The following DDI2 variants were observed in gnomAD, a reference collection of about 807,000 sequenced individuals.
DDI2 encodes DDI proteasomal shuttling factor 2, also known as protein DDI1 homolog 2.
DDI2 carries 5 observed loss-of-function variants against 48.1 expected under a neutral mutation model. That is an observed-to-expected ratio of 0.10 (90% CI 0.05 to 0.22). DDI2 has a LOEUF of 0.22. Among genes scored for constraint, DDI2 ranks in the 10% least tolerant of loss-of-function variants. The probability of loss-of-function intolerance (pLI) is 1.00; values close to 1 mark genes in which losing one functional copy is unlikely to be tolerated. For synonymous variants in DDI2, 205 were observed against 183.6 expected (o/e 1.12, Z -0.94); for missense variants, 285 against 506.2 (o/e 0.56, Z 4.19).
rs142601911 is a variant in DDI2 at position 15,660,245 on chromosome 1, A to G, written c.*455A>G. ...ACCCAGGGCCTCAAATTTCATCTCCATACAAGACAGGAAGCTAGTTTATCT... is the reference window on the plus strand; with the variant it reads ...ACCCAGGGCCTCAAATTTCATCTCCGTACAAGACAGGAAGCTAGTTTATCT... On this transcript the variant is annotated 3_prime_UTR_variant, in exon 10 of 10. Transcript: ENST00000480945. 20 of 1,614,076 alleles carry G rather than the reference A, an allele frequency of 1.2e-5. No homozygotes were observed. The African/African-American group carries it at 2.0e-4, about 16-fold the overall frequency.
chr1:15,627,272 C>G lies in DDI2; in HGVS notation c.268+474C>G, dbSNP rs1344362975. Among the ~76,000 whole-genome samples, 10 of 152,094 alleles carry G rather than the reference C, an allele frequency of 6.6e-5. No homozygotes were observed. In the East Asian group the frequency reaches 1.9e-3, roughly 29 times the overall value. On this transcript the variant is annotated intron_variant, in intron 2 of 9. Coordinates refer to ENST00000480945, the MANE Select transcript of DDI2 (RefSeq NM_032341.5). ...ACTTGGTTGTGGGGGGATTTACATACTAATTTGCATAATAATTTATAATTA... is the reference window on the plus strand; with the variant it reads ...ACTTGGTTGTGGGGGGATTTACATAGTAATTTGCATAATAATTTATAATTA...
intron 8 of DDI2, among the ~76,000 whole-genome samples, chr1:15,655,960 A>AGT (rs1640266023): frequency 6.6e-6 from 1 of 151,914 alleles, no homozygotes; most frequent in South Asian, 2.1e-4. Context: ...TTTTTTAAAT[A>AGT]CTTTATACTC....
intron 6 of DDI2, among the ~76,000 whole-genome samples, chr1:15,649,248 C>G (rs1233851936): frequency 2.0e-5 from 3 of 152,060 alleles, no homozygotes; most frequent in Admixed American, 6.6e-5. Flanking sequence ...TTTGTAATCC[C>G]ATCTACTTGG....
At position 15,664,617 on chromosome 1, in the gene DDI2, A is replaced by T. The variant is rs974976869; in HGVS notation, c.*4827A>T. The T allele has an allele frequency of 6.6e-6, 1 of 152,148 alleles. No individual in the cohort carries two copies. Among genetic ancestry groups the T allele is most frequent in the Non-Finnish European group, 1.5e-5 (1 of 68,030 alleles). 9.4% of individuals were successfully genotyped at this position (152,148 alleles called of 1,614,324 possible). ...GGTTAACTTCTAAGAATACCATCAA[A>T]TCCCTGTGAATTCTGGTTGCCAACA... On this transcript the variant is annotated 3_prime_UTR_variant, in exon 10 of 10. Coordinates refer to ENST00000480945, the MANE Select transcript of DDI2 (RefSeq NM_032341.5).
chr1:15,629,991 C>A (rs1463125505), intron 2 of DDI2, among the ~76,000 whole-genome samples: 1 of 152,084 alleles, frequency 6.6e-6, no homozygotes, highest in African/African-American at 2.4e-5. Context: ...CTTGACCTCC[C>A]AAAGTGCTGG....
intron 4 of DDI2, chr1:15,634,284 G>A (rs1295977832): frequency 1.3e-5 from 2 of 152,728 alleles, no homozygotes; most frequent in African/African-American, 4.8e-5. Flanking sequence ...GCAAGATTCT[G>A]TTCAGTCATT....
At chr1:15,656,175 C>G (rs1315252882) in intron 8 of DDI2, among the ~76,000 whole-genome samples, 1 of 151,974 alleles carries the variant, frequency 6.6e-6, no homozygotes, top group Non-Finnish European at 1.5e-5. Context: ...AAAAGATAAG[C>G]TAGGATAGAA....
At chr1:15,659,685 G>T (rs1317739863) in intron 9 of DDI2, among the ~76,000 whole-genome samples, 152 bp from the exon 10 acceptor site, 1 of 152,176 alleles carries the variant, frequency 6.6e-6, no homozygotes, top group African/African-American at 2.4e-5. Context: ...CAATGAGAAA[G>T]TAATTTTAAA....
At chr1:15,619,489 G>A (rs369936126) in intron 1 of DDI2, among the ~76,000 whole-genome samples, 1 of 143,336 alleles carries the variant, frequency 7.0e-6, no homozygotes, top group Admixed American at 7.1e-5. Context: ...TTTTCGAGAC[G>A]GAGTCTCTGT....
rs1640186122 is a variant in DDI2 at position 15,651,706 on chromosome 1, T to C, written c.994T>C (p.Cys332Arg). 1 of 1,597,902 alleles carries C rather than the reference T, an allele frequency of 6.3e-7. No individual in the cohort carries two copies. The highest frequency in any genetic ancestry group is 1.4e-5 in the African/African-American group (1 of 73,966). Reference protein sequence around the residue: ...LGLDMLKRHQCSIDLKKNVLV... With the variant: ...LGLDMLKRHQRSIDLKKNVLV... Reference sequence around the variant, plus strand: ...TATTCTTTGGTTTCTTTCTTCCAAGTGTTCCATCGACCTGAAGAAAAATGT... The same window carrying C: ...TATTCTTTGGTTTCTTTCTTCCAAGCGTTCCATCGACCTGAAGAAAAATGT... Residue 332 changes from cysteine to arginine, a missense_variant and splice_region_variant, in exon 8 of 10, where the codon TGT becomes CGT. Around this residue, in one of 3 missense-constraint regions of DDI2, gnomAD observed 66 missense variants for 87.3 expected, o/e 0.76. Coordinates refer to ENST00000480945, the MANE Select transcript of DDI2 (RefSeq NM_032341.5).
chr1:15,633,148 C>T (rs962573972), intron 3 of DDI2, among the ~76,000 whole-genome samples: 22 of 151,850 alleles, frequency 1.4e-4, no homozygotes, highest in African/African-American at 4.8e-4. Flanking sequence ...AGGCTGGTCT[C>T]GAACTCCTAG....
chr1:15,651,584 G>T, intron 7 of DDI2, 122 bp from the exon 8 acceptor site: 4 of 885,304 alleles, frequency 4.5e-6, no homozygotes, highest in Non-Finnish European at 6.5e-6. Flanking sequence ...CTCCCAAAGT[G>T]CTGGGATTAC....
chr1:15,640,165 C>T (rs528587740), intron 5 of DDI2, among the ~76,000 whole-genome samples: 215 of 152,124 alleles, frequency 1.4e-3, no homozygotes, highest in Middle Eastern at 3.4e-3. Context: ...ACTGGAGCCT[C>T]AGAGGTCCCC....
chr1:15,620,935 A>G (rs1639650675), intron 1 of DDI2, among the ~76,000 whole-genome samples: 1 of 152,230 alleles, frequency 6.6e-6, no homozygotes, highest in Admixed American at 6.5e-5. Flanking sequence ...ATTGGTGATC[A>G]ATGGTTTAGA....
rs947418077 is a variant in DDI2, at chr1:15,664,859, T to A, written c.*5069T>A. ...CAGCAGCTTTACATAGGTTATAGAT[T>A]TTGCTCATTGATGCTGTTAAGAATT... On this transcript the variant is annotated 3_prime_UTR_variant, in exon 10 of 10. Coordinates refer to ENST00000480945, the MANE Select transcript of DDI2 (RefSeq NM_032341.5). The A allele has an allele frequency of 4.6e-5, 7 of 152,188 alleles. No individual in the cohort carries two copies. Among genetic ancestry groups the A allele is most frequent in the Non-Finnish European group, 8.8e-5 (6 of 68,030 alleles). 9.4% of individuals were successfully genotyped at this position (152,188 alleles called of 1,614,324 possible). A position where few individuals can be genotyped will look rare whatever the true frequency, so the allele number is the denominator to read the frequency against.
intron 1 of DDI2, among the ~76,000 whole-genome samples, chr1:15,620,845 A>G (rs982591180): frequency 2.6e-5 from 4 of 152,228 alleles, no homozygotes; most frequent in Non-Finnish European, 5.9e-5. Flanking sequence ...AGGACGAACT[A>G]AAATAAATGG....
At chr1:15,655,071 G>T (rs1640251428) in intron 8 of DDI2, among the ~76,000 whole-genome samples, 1 of 151,684 alleles carries the variant, frequency 6.6e-6, no homozygotes, top group African/African-American at 2.4e-5. Context: ...TTTAGTAAAA[G>T]TTTGGAAGAT....
chr1:15,617,727 C>G lies in DDI2; in HGVS notation c.57C>G (p.Leu19=), dbSNP rs1287355379. The change falls in exon 1 of 10, where the codon CTC becomes CTG. Residue 19 remains leucine, a synonymous_variant. Coordinates refer to ENST00000480945, the MANE Select transcript of DDI2 (RefSeq NM_032341.5). The part of the protein sequence containing the change: ...RRDLSEVTFS[L]QVDADFELHN... ...ACCTCTCCGAGGTGACCTTTTCCCT[C>G]CAGGTCGACGCCGACTTCGAGCTGC... 1.2e-6 allele frequency: 2 copies of G among 1,610,800 alleles called. No homozygotes were observed. Among genetic ancestry groups the G allele is most frequent in the Non-Finnish European group, 8.5e-7 (1 of 1,178,938 alleles).
At chr1:15,637,701 G>A (rs1403227937) in intron 4 of DDI2, among the ~76,000 whole-genome samples, 1 of 152,272 alleles carries the variant, frequency 6.6e-6, no homozygotes, top group Non-Finnish European at 1.5e-5. Flanking sequence ...TTATTTCATG[G>A]ATCAAATGAA....
Sources: allele counts gnomAD v4.1 joint callset (sites outside exome capture counted in the v4.1 genomes callset), GRCh38; gene constraint gnomAD v4.1.1; regional missense constraint gnomAD v4.1.1; transcripts MANE v1.5; gene names NCBI Gene and HGNC (gene_info 2026-07-23, HGNC 2026-07-21).